Variants in KLHL29 observed in about 807,000 individuals in gnomAD.
KLHL29 encodes kelch like family member 29, also known as kelch-like protein 29.
In KLHL29, 21 loss-of-function variants were observed where a neutral mutation model predicts 80.4. That is an observed-to-expected ratio of 0.26 (90% confidence interval 0.19 to 0.38). The LOEUF is 0.38. Among genes scored for constraint, KLHL29 ranks in the 10% least tolerant of loss-of-function variants. The pLI is 1.00. For synonymous variants in KLHL29, 511 were observed against 526.8 expected, an observed-to-expected ratio of 0.97 and a Z score of 0.41; for missense variants, 867 against 1,223.9, an observed-to-expected ratio of 0.71 and a Z score of 4.35.
chr2:23,633,755 T>TGTGTGTGTGTGTGTGTGTGTG (rs1558416938), intron 3 of KLHL29, among the ~76,000 whole-genome samples: 1 of 27,852 alleles, frequency 3.6e-5, no homozygotes, highest in Non-Finnish European at 5.8e-5. Flanking sequence ...GTCACAGCAC[T>TGTGTGTGTGTGTGTGTGTGTG]CGTGTGTGTG....
intron 2 of KLHL29, among the ~76,000 whole-genome samples, chr2:23,491,121 TC>T (rs1665090546): frequency 1.3e-5 from 2 of 152,008 alleles, no homozygotes; most frequent in African/African-American, 2.4e-5. Flanking sequence ...CCCTCCCCTT[TC>T]CCCCAACTCT....
intron 1 of KLHL29, among the ~76,000 whole-genome samples, chr2:23,443,203 CTA>C (rs1663581406): frequency 6.6e-6 from 1 of 152,148 alleles, no homozygotes; most frequent in Non-Finnish European, 1.5e-5. Flanking sequence ...GCATGCATAT[CTA>C]TGTATATTTT....
intron 3 of KLHL29, among the ~76,000 whole-genome samples, chr2:23,575,819 A>G (rs1667828530): frequency 6.6e-6 from 1 of 152,222 alleles, no homozygotes; most frequent in Non-Finnish European, 1.5e-5. Flanking sequence ...CCGGAGCTCC[A>G]GAACCTGCCC....
At chr2:23,545,330 C>T (rs547208379) in intron 2 of KLHL29, among the ~76,000 whole-genome samples, 1 of 152,214 alleles carries the variant, frequency 6.6e-6, no homozygotes, top group African/African-American at 2.4e-5. Context: ...AGCAAGCCAC[C>T]GCATCACTGA....
chr2:23,510,948 A>G (rs72849008), intron 2 of KLHL29, among the ~76,000 whole-genome samples: 3,123 of 152,322 alleles, frequency 0.021, 102 homozygotes, highest in African/African-American at 0.07. Flanking sequence ...TGGACAAAAA[A>G]ATATATATTT....
At chr2:23,442,513 C>A (rs1172249473) in intron 1 of KLHL29, among the ~76,000 whole-genome samples, 1 of 152,116 alleles carries the variant, frequency 6.6e-6, no homozygotes, top group Non-Finnish European at 1.5e-5. Context: ...GAAGGGGCCA[C>A]AAGCAAAGGA....
At chr2:23,653,810 T>C (rs1670155232) in intron 5 of KLHL29, among the ~76,000 whole-genome samples, 2 of 152,070 alleles carry the variant, frequency 1.3e-5, no homozygotes, top group African/African-American at 2.4e-5. Flanking sequence ...TCTACAAATA[T>C]CAGATGAGTG....
At chr2:23,614,404 C>G (rs1668949603) in intron 3 of KLHL29, among the ~76,000 whole-genome samples, 1 of 151,746 alleles carries the variant, frequency 6.6e-6, no homozygotes, top group South Asian at 2.1e-4. Context: ...AACATAGCCT[C>G]AAAATATAAA....
chr2:23,394,343 A>G (rs1019580150), intron 1 of KLHL29, among the ~76,000 whole-genome samples: 1 of 152,176 alleles, frequency 6.6e-6, no homozygotes. Context: ...GGGTAGATTG[A>G]ATAACTGTTT....
In KLHL29 at chr2:23,706,549, G is replaced by A; in HGVS notation, c.2513G>A (p.Gly838Asp). Reference protein sequence around the residue: ...GIVSSEGPALGNMEAYEPTTN... With the variant: ...GIVSSEGPALDNMEAYEPTTN... ...GTCAGCAGTGAAGGGCCCGCGCTGG[G>A]CAACATGGAGGCCTACGAGCCCACA... Residue 838 changes from glycine to aspartate, a missense_variant, in exon 14 of 14, where the codon GGC becomes GAC. Transcript: ENST00000486442. 6.5e-7 allele frequency: 1 copy of A among 1,537,062 alleles called. No individual in the cohort carries two copies. The highest frequency in any genetic ancestry group is 8.7e-7 in the Non-Finnish European group (1 of 1,146,858).
At chr2:23,523,211 G>A (rs749739264) in intron 2 of KLHL29, among the ~76,000 whole-genome samples, 1 of 152,172 alleles carries the variant, frequency 6.6e-6, no homozygotes, top group Non-Finnish European at 1.5e-5. Flanking sequence ...GCGGCAGCAC[G>A]GTCCACCCCA....
intron 3 of KLHL29, among the ~76,000 whole-genome samples, chr2:23,598,533 A>G (rs539839547): frequency 6.6e-6 from 1 of 152,214 alleles, no homozygotes; most frequent in Non-Finnish European, 1.5e-5. Context: ...TGCTACAGCC[A>G]TGGACAGCTG....
intron 2 of KLHL29, among the ~76,000 whole-genome samples, chr2:23,551,944 C>CTCTTGCTT (rs1667141964): frequency 6.6e-6 from 1 of 152,268 alleles, no homozygotes. Context: ...GGGCTTCACC[C>CTCTTGCTT]TCTTGCTTTT....
intron 5 of KLHL29, among the ~76,000 whole-genome samples, chr2:23,671,293 T>C (rs1178514745): frequency 6.6e-6 from 1 of 151,998 alleles, no homozygotes; most frequent in East Asian, 1.9e-4. Flanking sequence ...TTCTCCCATC[T>C]CCTTGTGGCT....
intron 1 of KLHL29, among the ~76,000 whole-genome samples, chr2:23,417,045 G>A (rs981346610): frequency 1.3e-5 from 2 of 152,040 alleles, no homozygotes; most frequent in Admixed American, 6.5e-5. Context: ...ACAGAAGCCT[G>A]GGAGCCTTCC....
At chr2:23,540,744 C>A (rs552407977) in intron 2 of KLHL29, among the ~76,000 whole-genome samples, 1 of 152,346 alleles carries the variant, frequency 6.6e-6, no homozygotes, top group East Asian at 1.9e-4. Context: ...TGTTGGACCT[C>A]GTCCATCCCT....
At chr2:23,635,518 C>T (rs35183989) in intron 3 of KLHL29, among the ~76,000 whole-genome samples, 2,487 of 152,328 alleles carry the variant, frequency 0.016, 33 homozygotes, top group Non-Finnish European at 0.024. Context: ...GAGCTTCAAC[C>T]GTAGAGGCCC....
Position 23,621,866 on chromosome 2 carries a change from C to T in KLHL29, c.286-17273C>T, listed in dbSNP as rs534248780. Among the ~76,000 whole-genome samples the T allele has an allele frequency of 3.9e-5, 6 of 152,260 alleles. No homozygotes were observed. In the East Asian group the frequency reaches 1.2e-3, roughly 29 times the overall value. On this transcript the variant is annotated intron_variant, in intron 3 of 13. Transcript: ENST00000486442. ...AATGCAGCTCACCATATCCAGGCGT[C>T]CAAATAGGGGCAGCTACCACATATC...
At chr2:23,460,928 C>A (rs1028750413) in intron 1 of KLHL29, among the ~76,000 whole-genome samples, 4 of 152,144 alleles carry the variant, frequency 2.6e-5, no homozygotes, top group Non-Finnish European at 5.9e-5. Context: ...CTGATAAGGG[C>A]GGAAGTTTGC....
Sources: gnomAD v4.1 joint callset for allele counts (sites outside exome capture counted in the v4.1 genomes callset) on GRCh38, gnomAD v4.1.1 for gene constraint, MANE v1.5 for transcripts, NCBI Gene and HGNC (gene_info 2026-07-23, HGNC 2026-07-21) for gene names.